The following HAUS2 variants were observed in gnomAD, a reference collection of about 807,000 sequenced individuals.
HAUS2 encodes the protein HAUS augmin-like complex subunit 2.
A neutral mutation model predicts 21.6 loss-of-function variants in HAUS2; 20 were observed. The ratio of observed to expected loss-of-function variants is 0.93; its 90% confidence interval spans 0.65 to 1.35. The LOEUF is 1.35. HAUS2 is among the 40% of genes most tolerant of loss of function. HAUS2 has a pLI of 0.00. For synonymous variants in HAUS2, 113 were observed against 95.6 expected (o/e 1.18, Z -1.06); for missense variants, 297 against 280.7 (o/e 1.06, Z -0.42).
At chr15:42,560,924 C>CTAA in intron 3 of HAUS2, 1 of 676,346 alleles carries the variant, frequency 1.5e-6, no homozygotes, top group Non-Finnish European at 2.7e-6. Flanking sequence ...CTTTTATAGA[C>CTAA]TATTAGAGTC....
In HAUS2 at chr15:42,569,298, T is replaced by C. The variant is rs1351802345; in HGVS notation, c.*2482T>C. On this transcript the variant is annotated 3_prime_UTR_variant, in exon 6 of 6. Transcript: ENST00000260372. The stretch of plus-strand genomic sequence containing the variant: ...TTTTTTGTTTTGTTCTTTTCTTTCC[T>C]TTTTTTTTTTTTTTTTTTAAAGACA... The C allele has an allele frequency of 8.5e-5, 8 of 94,100 alleles. No individual in the cohort carries two copies. Among genetic ancestry groups the C allele is most frequent in the Admixed American group, 8.0e-4 (8 of 10,020 alleles). The allele number at this position is 94,100 out of a possible 1,614,324, so 5.8% of individuals were successfully genotyped here.
chr15:42,558,626 C>G (rs2057814540), intron 2 of HAUS2, among the ~76,000 whole-genome samples: 1 of 151,878 alleles, frequency 6.6e-6, no homozygotes. Context: ...TGCGCCCGGC[C>G]TGAACTTTTC....
rs1218660094 is a variant in HAUS2 at position 42,569,896 on chromosome 15, T to C, written c.*3080T>C. 2 of 152,202 alleles carry C rather than the reference T, an allele frequency of 1.3e-5. No homozygotes were observed. The highest frequency in any genetic ancestry group is 4.8e-5 in the African/African-American group (2 of 41,428). 9.4% of individuals were successfully genotyped at this position (152,202 alleles called of 1,614,324 possible). A position where few individuals can be genotyped will look rare whatever the true frequency, so the allele number is the denominator to read the frequency against. The stretch of plus-strand genomic sequence containing the variant: ...TTTCCTATATTCATTTTTGTGTGTA[T>C]GTGTATGTCACAAATATTGATATGC... On this transcript the variant is annotated 3_prime_UTR_variant, in exon 6 of 6. Transcript: ENST00000260372.
At chr15:42,555,556 CTA>C (rs2057764393) in intron 1 of HAUS2, among the ~76,000 whole-genome samples, 2 of 152,168 alleles carry the variant, frequency 1.3e-5, no homozygotes, top group Non-Finnish European at 2.9e-5. Flanking sequence ...ATGTTGGAGA[CTA>C]TGTTTTCAGC....
chr15:42,556,651 G>T (rs1330767098), intron 1 of HAUS2, among the ~76,000 whole-genome samples: 3 of 152,098 alleles, frequency 2.0e-5, no homozygotes, highest in Non-Finnish European at 4.4e-5. Flanking sequence ...ACAAAAACAG[G>T]TAATGGGCTG....
intron 4 of HAUS2, among the ~76,000 whole-genome samples, chr15:42,562,386 G>C (rs1248198695): frequency 1.3e-5 from 2 of 152,184 alleles, no homozygotes; most frequent in Non-Finnish European, 2.9e-5. Flanking sequence ...CTTGAGGCCA[G>C]GAGTTCAAGA....
chr15:42,554,554 G>C (rs562918272), intron 1 of HAUS2, among the ~76,000 whole-genome samples: 1 of 149,522 alleles, frequency 6.7e-6, no homozygotes, highest in South Asian at 2.2e-4. Flanking sequence ...GCAGTAGTGC[G>C]CTCACAGCTT....
intron 1 of HAUS2, among the ~76,000 whole-genome samples, chr15:42,550,047 G>C (rs2057706104): frequency 6.6e-6 from 1 of 152,040 alleles, no homozygotes; most frequent in Non-Finnish European, 1.5e-5. Flanking sequence ...TTGATATATA[G>C]AGGAAGTTGA....
chr15:42,549,641 G>A (rs2057699744), intron 1 of HAUS2, among the ~76,000 whole-genome samples: 1 of 151,176 alleles, frequency 6.6e-6, no homozygotes, highest in South Asian at 2.1e-4. Context: ...AGTAGAGACG[G>A]GGTTTCACCT....
chr15:42,564,615 T>TCC (rs2057887833), intron 5 of HAUS2, among the ~76,000 whole-genome samples: 1 of 152,172 alleles, frequency 6.6e-6, no homozygotes, highest in Non-Finnish European at 1.5e-5. Flanking sequence ...TTAGGAGGAT[T>TCC]CTGAGTAGGA....
rs1235060259 is a variant in HAUS2 at position 42,558,667 on chromosome 15, A to T, written c.186+377A>T. Reference sequence around the variant, plus strand: ...CTACTCCTAGTATAGGAAAACAAAAACAAAAGTTGGCCAGATGTAGTGGCT... The same window carrying T: ...CTACTCCTAGTATAGGAAAACAAAATCAAAAGTTGGCCAGATGTAGTGGCT... On this transcript the variant is annotated intron_variant, in intron 2 of 5. Transcript: ENST00000260372. 1.3e-5 allele frequency among the ~76,000 whole-genome samples: 2 copies of T among 151,874 alleles called. 1 individual carries two copies. Among genetic ancestry groups the T allele is most frequent in the Admixed American group, 1.3e-4 (2 of 15,256 alleles).
rs549545832 is a variant in HAUS2, at chr15:42,552,011, T to C, written c.93+3046T>C. Among the ~76,000 whole-genome samples, 47 of 147,400 alleles carry C rather than the reference T, an allele frequency of 3.2e-4. No individual in the cohort carries two copies. In the South Asian group the frequency reaches 8.4e-3, roughly 26 times the overall value. On this transcript the variant is annotated intron_variant, in intron 1 of 5. Transcript: ENST00000260372. ...CTTTATACATAAAAACTTTTGTCTC[T>C]TTTTTTTTGTTTTTTTTGTTTTTTT...
At chr15:42,558,073 C>A in intron 1 of HAUS2, 125 bp from the exon 2 acceptor site, 1 of 585,124 alleles carries the variant, frequency 1.7e-6, no homozygotes, top group Non-Finnish European at 3.1e-6. Context: ...TTACTTTGTA[C>A]TTCATGTTCA....
intron 3 of HAUS2, among the ~76,000 whole-genome samples, chr15:42,560,460 G>A (rs1056031827): frequency 2.6e-5 from 4 of 151,892 alleles, no homozygotes; most frequent in South Asian, 2.1e-4. Context: ...GTTAATAATC[G>A]GTGAATAAGT....
At chr15:42,560,677 G>A (rs890444862) in intron 3 of HAUS2, 7 of 609,796 alleles carry the variant, frequency 1.1e-5, no homozygotes, top group Non-Finnish European at 1.8e-5. Context: ...AGTACAGGTC[G>A]CTGTAACTTC....
intron 4 of HAUS2, 168 bp downstream of exon 4, chr15:42,561,570 A>T (rs1420069675): frequency 3.4e-5 from 18 of 522,932 alleles, no homozygotes; most frequent in Non-Finnish European, 6.1e-5. Context: ...TTAAACCATT[A>T]TACCTATGGC....
intron 1 of HAUS2, among the ~76,000 whole-genome samples, chr15:42,556,298 A>C (rs1595548976): frequency 2.9e-5 from 3 of 102,762 alleles, no homozygotes; most frequent in African/African-American, 8.3e-5. Context: ...ACAGGGTCTC[A>C]CTCTGTCGCC....
At chr15:42,564,571 A>G (rs1002413514) in intron 5 of HAUS2, among the ~76,000 whole-genome samples, 8 of 152,232 alleles carry the variant, frequency 5.3e-5, no homozygotes, top group Non-Finnish European at 8.8e-5. Flanking sequence ...GATGCCATCT[A>G]TTGAGCATAG....
intron 1 of HAUS2, among the ~76,000 whole-genome samples, chr15:42,553,175 C>T (rs1319078571): frequency 4.6e-5 from 7 of 151,810 alleles, no homozygotes; most frequent in Non-Finnish European, 7.4e-5. Flanking sequence ...TTAGTAGAGA[C>T]GGGGTTTCAC....
Sources: gnomAD v4.1 joint callset for allele counts (sites outside exome capture counted in the v4.1 genomes callset) on GRCh38, gnomAD v4.1.1 for gene constraint, MANE v1.5 for transcripts, NCBI Gene and HGNC (gene_info 2026-07-23, HGNC 2026-07-21) for gene names.